CDH6: variants seen among roughly 807,000 people sequenced by gnomAD.
CDH6 encodes cadherin 6, also known as cadherin-6.
CDH6 carries 31 observed loss-of-function variants against 78.0 expected under a neutral mutation model. The observed-to-expected ratio is 0.40, with a 90% CI of 0.30 to 0.54. The LOEUF (loss-of-function observed/expected upper bound fraction) is 0.54. CDH6 is among the 20% of genes least tolerant of loss of function. The pLI is 0.56. For missense variants in CDH6, 724 were observed against 975.9 expected (o/e 0.74, Z 3.44); for synonymous variants, 376 against 368.8 (o/e 1.02, Z -0.23).
rs976874294 is a variant in CDH6, at chr5:31,327,384, G to A, written c.*4076G>A. 23 of 192,532 alleles carry A rather than the reference G, an allele frequency of 1.2e-4. No individual in the cohort carries two copies. The highest frequency in any genetic ancestry group is 3.7e-4 in the Admixed American group (6 of 16,338). 11.9% of individuals were successfully genotyped at this position (192,532 alleles called of 1,614,324 possible). A position where few individuals can be genotyped will look rare whatever the true frequency, so the allele number is the denominator to read the frequency against. ...AAGCAGTGTAATTACTCTGGAAGAA[G>A]GCTCTAAAAAGTCATGATTCCCCCA... On this transcript the variant is annotated 3_prime_UTR_variant, in exon 12 of 12. Coordinates refer to ENST00000265071, the MANE Select transcript of CDH6 (RefSeq NM_004932.4).
chr5:31,276,879 G>T (rs759103268), intron 2 of CDH6, among the ~76,000 whole-genome samples: 2 of 152,134 alleles, frequency 1.3e-5, no homozygotes, highest in Non-Finnish European at 2.9e-5. Flanking sequence ...CTTAGAACGG[G>T]GCCCAAGATA....
intron 1 of CDH6, among the ~76,000 whole-genome samples, chr5:31,241,313 C>T (rs1356015356): frequency 6.6e-6 from 1 of 152,002 alleles, no homozygotes; most frequent in Non-Finnish European, 1.5e-5. Flanking sequence ...AGACCCACTC[C>T]AGCTCAACCT....
chr5:31,268,749 G>C (rs75067457), intron 2 of CDH6, among the ~76,000 whole-genome samples: 1 of 152,164 alleles, frequency 6.6e-6, no homozygotes, highest in Non-Finnish European at 1.5e-5. Flanking sequence ...TCCAAAGGCT[G>C]CATGTTCACA....
At chr5:31,266,821 C>G (rs1742374089) in intron 1 of CDH6, among the ~76,000 whole-genome samples, 1 of 152,206 alleles carries the variant, frequency 6.6e-6, no homozygotes, top group South Asian at 2.1e-4. Context: ...GGTCCTATCA[C>G]AGCTCATCTC....
At chr5:31,307,400 C>T (rs1353852965) in intron 7 of CDH6, among the ~76,000 whole-genome samples, 1 of 152,132 alleles carries the variant, frequency 6.6e-6, no homozygotes, top group African/African-American at 2.4e-5. Context: ...AAATTCCTGG[C>T]TTACTTTCAG....
rs1264335207 is a variant in CDH6 at position 31,302,792 on chromosome 5, GAGAGAGAGAA to G, written c.999+498_999+507del. 5.3e-3 allele frequency among the ~76,000 whole-genome samples: 313 copies of G among 58,586 alleles called. 4 individuals are homozygous for G. The highest frequency in any genetic ancestry group is 0.018 in the African/African-American group (276 of 15,570). The allele number at this position is 58,586 out of a possible 152,430, so 38.4% of individuals were successfully genotyped here. On this transcript the variant is annotated intron_variant, in intron 6 of 11. Coordinates refer to ENST00000265071, the MANE Select transcript of CDH6 (RefSeq NM_004932.4). ...AAGAAAGAAGAAAGAGAGAGAGAGAGAGAGAGAGAAAGAAAGAAAGAAAGAAAGAAAGAAA... is the reference window on the plus strand; with the variant it reads ...AAGAAAGAAGAAAGAGAGAGAGAGAGAGAAAGAAAGAAAGAAAGAAAGAAA...
chr5:31,215,133 G>A (rs1256659009), intron 1 of CDH6, among the ~76,000 whole-genome samples: 1 of 152,110 alleles, frequency 6.6e-6, no homozygotes, highest in East Asian at 1.9e-4. Context: ...CTGACACTTT[G>A]TTTATTGAAA....
chr5:31,219,781 G>T (rs1417194230), intron 1 of CDH6, among the ~76,000 whole-genome samples: 1 of 152,138 alleles, frequency 6.6e-6, no homozygotes, highest in Non-Finnish European at 1.5e-5. Context: ...TATTCAGTAA[G>T]TATTTATTGA....
rs1579809922 is a variant in CDH6, at chr5:31,204,223, G to C, written c.-129+10337G>C. On this transcript the variant is annotated intron_variant, in intron 1 of 11. Coordinates refer to ENST00000265071, the MANE Select transcript of CDH6 (RefSeq NM_004932.4). The stretch of plus-strand genomic sequence containing the variant: ...CCAAAATATCTTTCCAAAGAGCACT[G>C]TGGTTTGTTTTTCTTAGAAAACTTT... 2.0e-5 allele frequency among the ~76,000 whole-genome samples: 3 copies of C among 152,158 alleles called. No individual in the cohort carries two copies. The South Asian group carries it at 6.2e-4, about 32-fold the overall frequency.
intron 1 of CDH6, among the ~76,000 whole-genome samples, chr5:31,256,688 T>C (rs1278376510): frequency 6.6e-6 from 1 of 152,156 alleles, no homozygotes; most frequent in African/African-American, 2.4e-5. Context: ...ATCAGGTGCC[T>C]CCCCTGAGAC....
intron 2 of CDH6, among the ~76,000 whole-genome samples, chr5:31,284,535 T>C (rs1742962601): frequency 6.6e-6 from 1 of 152,208 alleles, no homozygotes; most frequent in Non-Finnish European, 1.5e-5. Context: ...CCATGAGCCT[T>C]CCTGGGCTTC....
intron 7 of CDH6, among the ~76,000 whole-genome samples, chr5:31,308,208 C>A (rs906803127): frequency 9.2e-5 from 14 of 152,050 alleles, no homozygotes; most frequent in African/African-American, 3.4e-4. Context: ...ATTACACAAG[C>A]ACAAATCTTT....
chr5:31,240,786 C>T (rs1228879308), intron 1 of CDH6, among the ~76,000 whole-genome samples: 1 of 152,176 alleles, frequency 6.6e-6, no homozygotes, highest in Non-Finnish European at 1.5e-5. Flanking sequence ...GATAGTGTCG[C>T]TCTGAGTTGT....
intron 8 of CDH6, 28 bp from the exon 9 acceptor site, chr5:31,316,180 C>T (rs758378070): frequency 3.1e-6 from 5 of 1,588,866 alleles, no homozygotes; most frequent in Middle Eastern, 1.7e-4. Flanking sequence ...ATGTAAATGC[C>T]TTTTTCTTTC....
At chr5:31,292,955 G>A (rs902713139) in intron 2 of CDH6, among the ~76,000 whole-genome samples, 1 of 151,050 alleles carries the variant, frequency 6.6e-6, no homozygotes, top group African/African-American at 2.4e-5. Context: ...ACCTTTTGCT[G>A]GGTGGGAAAA....
chr5:31,217,849 T>C (rs1224479892), intron 1 of CDH6, among the ~76,000 whole-genome samples: 3 of 152,170 alleles, frequency 2.0e-5, no homozygotes, highest in Non-Finnish European at 4.4e-5. Flanking sequence ...TGGCTTCCTG[T>C]TTCGTTTAAG....
chr5:31,316,431 C>A, intron 9 of CDH6, 102 bp downstream of exon 9: 1 of 1,002,610 alleles, frequency 1.0e-6, no homozygotes, highest in Non-Finnish European at 1.5e-6. Flanking sequence ...TGTGAATTAT[C>A]TATGAAGTGA....
chr5:31,210,625 T>C (rs1241034570), intron 1 of CDH6, among the ~76,000 whole-genome samples: 1 of 152,174 alleles, frequency 6.6e-6, no homozygotes, highest in Non-Finnish European at 1.5e-5. Flanking sequence ...CCCCAGCAGA[T>C]ACCAAAATCC....
intron 8 of CDH6, among the ~76,000 whole-genome samples, chr5:31,313,966 A>G (rs1738229854): frequency 6.6e-6 from 1 of 152,168 alleles, no homozygotes; most frequent in Non-Finnish European, 1.5e-5. Flanking sequence ...AAAGTGAGTA[A>G]TACAAGCCAT....
Sources: allele counts gnomAD v4.1 joint callset (sites outside exome capture counted in the v4.1 genomes callset), GRCh38; gene constraint gnomAD v4.1.1; transcripts MANE v1.5; gene names NCBI Gene and HGNC (gene_info 2026-07-23, HGNC 2026-07-21).